Variants in FRMD4A observed in about 807,000 individuals in gnomAD.
FRMD4A encodes FERM domain-containing protein 4A.
In FRMD4A, 29 loss-of-function variants were observed where a neutral mutation model predicts 129.1. That is an observed-to-expected ratio of 0.22 (90% CI 0.17 to 0.31). The LOEUF (loss-of-function observed/expected upper bound fraction) is 0.31. FRMD4A is among the 10% of genes least tolerant of loss of function. FRMD4A has a pLI of 1.00. For synonymous variants in FRMD4A, 634 were observed against 571.6 expected, an observed-to-expected ratio of 1.11 and a Z score of -1.56; for missense variants, 1,272 against 1,375.8, an observed-to-expected ratio of 0.92 and a Z score of 1.19.
At chr10:14,286,068 T>C (rs1258518791) in intron 2 of FRMD4A, among the ~76,000 whole-genome samples, 2 of 152,242 alleles carry the variant, frequency 1.3e-5, no homozygotes. Flanking sequence ...TCATGTATCA[T>C]GGTGCTAATT....
intron 17 of FRMD4A, among the ~76,000 whole-genome samples, chr10:13,670,051 G>C (rs1053343033): frequency 1.3e-5 from 2 of 152,158 alleles, no homozygotes; most frequent in African/African-American, 4.8e-5. Context: ...TTCTTCCATA[G>C]ATCACACATC....
chr10:14,073,844 G>A (rs1489694068), intron 2 of FRMD4A, among the ~76,000 whole-genome samples: 3 of 152,170 alleles, frequency 2.0e-5, no homozygotes, highest in Admixed American at 6.5e-5. Context: ...TAGGGCGGTG[G>A]CTCATGTCTG....
chr10:14,100,414 T>C (rs1837239502), intron 2 of FRMD4A, among the ~76,000 whole-genome samples: 1 of 152,176 alleles, frequency 6.6e-6, no homozygotes, highest in African/African-American at 2.4e-5. Context: ...GATTCTATCA[T>C]TATCTGCAAG....
At chr10:14,038,499 C>T (rs576861119) in intron 2 of FRMD4A, among the ~76,000 whole-genome samples, 1 of 152,080 alleles carries the variant, frequency 6.6e-6, no homozygotes, top group African/African-American at 2.4e-5. Flanking sequence ...TCCTCTTAGT[C>T]CAATTTCTCC....
intron 2 of FRMD4A, among the ~76,000 whole-genome samples, chr10:14,283,235 C>T (rs1383435474): frequency 6.6e-6 from 1 of 152,186 alleles, no homozygotes; most frequent in East Asian, 1.9e-4. Flanking sequence ...GATTTGGATT[C>T]CTTGTAGAAG....
In FRMD4A at chr10:14,138,061, G is replaced by A. The variant is rs890565969; in HGVS notation, c.45+191997C>T. On this transcript the variant is annotated intron_variant, in intron 2 of 24. Coordinates refer to ENST00000357447, the MANE Select transcript of FRMD4A (RefSeq NM_018027.5). ...TTGGCATCCCATTAGGTAAGCAAAT[G>A]GGGCCAAAGTGCTTAGAACATCTTT... is the stretch of plus-strand genomic sequence containing the variant. Among the ~76,000 whole-genome samples the A allele has an allele frequency of 5.9e-5, 9 of 152,214 alleles. No homozygotes were observed. The South Asian group carries it at 1.9e-3, about 32-fold the overall frequency.
intron 12 of FRMD4A, among the ~76,000 whole-genome samples, chr10:13,737,182 C>T (rs1248257030): frequency 5.3e-5 from 8 of 152,288 alleles, no homozygotes; most frequent in South Asian, 2.1e-4. Context: ...CTCCGCCTCC[C>T]GGGCTCAAGC....
chr10:14,061,616 C>G (rs1218041427), intron 2 of FRMD4A, among the ~76,000 whole-genome samples: 1 of 152,134 alleles, frequency 6.6e-6, no homozygotes, highest in African/African-American at 2.4e-5. Context: ...TCTAATAGAT[C>G]ACTGATTTCT....
intron 9 of FRMD4A, among the ~76,000 whole-genome samples, chr10:13,743,679 C>T (rs555775814): frequency 6.6e-6 from 1 of 152,280 alleles, no homozygotes; most frequent in African/African-American, 2.4e-5. Flanking sequence ...TGCCCTGTAA[C>T]TCCTGCTCTC....
At chr10:14,166,413 T>C (rs992782012) in intron 2 of FRMD4A, among the ~76,000 whole-genome samples, 27 of 152,340 alleles carry the variant, frequency 1.8e-4, no homozygotes, top group African/African-American at 6.0e-4. Context: ...GGAGATACAC[T>C]GGAAGTAAGT....
chr10:13,810,085 G>T (rs1320755856), intron 4 of FRMD4A, among the ~76,000 whole-genome samples: 1 of 152,218 alleles, frequency 6.6e-6, no homozygotes, highest in Non-Finnish European at 1.5e-5. Flanking sequence ...GACAGAGAGA[G>T]AGAGAGAGAG....
chr10:13,767,979 G>A (rs2092340243), intron 6 of FRMD4A, among the ~76,000 whole-genome samples: 1 of 152,180 alleles, frequency 6.6e-6, no homozygotes, highest in Non-Finnish European at 1.5e-5. Flanking sequence ...CACTGGGTGT[G>A]TACTTTAGGC....
intron 17 of FRMD4A, among the ~76,000 whole-genome samples, chr10:13,668,730 T>TG (rs1564564348): frequency 6.6e-6 from 1 of 152,114 alleles, no homozygotes; most frequent in Admixed American, 6.5e-5. Flanking sequence ...TCCCTAAAAG[T>TG]GGGGTCCCTT....
intron 2 of FRMD4A, among the ~76,000 whole-genome samples, chr10:14,314,372 G>A (rs1846660116): frequency 6.6e-6 from 1 of 152,164 alleles, no homozygotes; most frequent in African/African-American, 2.4e-5. Flanking sequence ...GCAAGAAAAT[G>A]TATCTTTTAA....
At chr10:14,215,357 G>T (rs1184910802) in intron 2 of FRMD4A, among the ~76,000 whole-genome samples, 1 of 152,012 alleles carries the variant, frequency 6.6e-6, no homozygotes, top group Non-Finnish European at 1.5e-5. Context: ...TGTGCAATTT[G>T]GTTCTTTGCC....
intron 2 of FRMD4A, among the ~76,000 whole-genome samples, chr10:14,111,369 C>A (rs977481765): frequency 6.6e-6 from 1 of 152,182 alleles, no homozygotes; most frequent in African/African-American, 2.4e-5. Context: ...TTCCCTGAGG[C>A]ATGGATCCAC....
At chr10:13,975,344 ATGTGTC>A (rs2095538359) in intron 2 of FRMD4A, among the ~76,000 whole-genome samples, 1 of 142,594 alleles carries the variant, frequency 7.0e-6, no homozygotes, top group Admixed American at 6.9e-5. Context: ...GCCTCTATGT[ATGTGTC>A]TGTGTCTGTG....
intron 2 of FRMD4A, among the ~76,000 whole-genome samples, chr10:13,905,010 AG>A (rs1348079437): frequency 1.3e-5 from 2 of 150,670 alleles, no homozygotes; most frequent in African/African-American, 4.9e-5. Flanking sequence ...AAAAAAAAAA[AG>A]AAAAGAAAAC....
At chr10:14,055,738 A>G (rs1834494746) in intron 2 of FRMD4A, among the ~76,000 whole-genome samples, 1 of 152,230 alleles carries the variant, frequency 6.6e-6, no homozygotes, top group South Asian at 2.1e-4. Context: ...TACGGGGTAC[A>G]TGAGACGTTT....
Sources: allele counts gnomAD v4.1 joint callset (sites outside exome capture counted in the v4.1 genomes callset), GRCh38; gene constraint gnomAD v4.1.1; transcripts MANE v1.5; gene names NCBI Gene and HGNC (gene_info 2026-07-23, HGNC 2026-07-21).